The following ITPK1 variants were observed in gnomAD, a reference collection of about 807,000 sequenced individuals.
ITPK1 encodes the protein inositol 1,3,4-trisphosphate 5/6-kinase.
In ITPK1, 21 loss-of-function variants were observed where a neutral mutation model predicts 45.3. The observed-to-expected ratio is 0.46, with a 90% CI of 0.33 to 0.67. The LOEUF is 0.67. Ranked by LOEUF, ITPK1 falls within the 30% of genes least tolerant of loss-of-function variation. The probability of loss-of-function intolerance (pLI) is 0.02; values close to 1 mark genes in which losing one functional copy is unlikely to be tolerated. For synonymous variants in ITPK1, 258 were observed against 253.6 expected, an observed-to-expected ratio of 1.02 and a Z score of -0.16; for missense variants, 474 against 573.5, an observed-to-expected ratio of 0.83 and a Z score of 1.77.
Position 93,016,817 on chromosome 14 carries a change from C to T in ITPK1, c.121-16G>A. The T allele has an allele frequency of 6.2e-7, 1 of 1,613,172 alleles. No homozygotes were observed. Among genetic ancestry groups the T allele is most frequent in the Non-Finnish European group, 8.5e-7 (1 of 1,179,402 alleles). Reference sequence around the variant, plus strand: ...TAAGGTTCAGCTGTGAGGCAGGGAACACAGACAAAAGCAACAACTTCAGCA... The same window carrying T: ...TAAGGTTCAGCTGTGAGGCAGGGAATACAGACAAAAGCAACAACTTCAGCA... On this transcript the variant is annotated splice_polypyrimidine_tract_variant and intron_variant, in intron 3 of 10. Coordinates refer to ENST00000267615, the MANE Select transcript of ITPK1 (RefSeq NM_014216.6). The surrounding 1 kb of genome is among the most constrained non-coding windows in gnomAD (Gnocchi z 5.0).
intron 2 of ITPK1, among the ~76,000 whole-genome samples, chr14:93,083,250 C>G (rs1007889807): frequency 1.3e-5 from 2 of 152,144 alleles, no homozygotes; most frequent in African/African-American, 4.8e-5. Context: ...CATCCAGCAG[C>G]AGGCCTGCCA....
At chr14:92,984,526 C>T (rs1240462432) in intron 5 of ITPK1, among the ~76,000 whole-genome samples, 1 of 152,166 alleles carries the variant, frequency 6.6e-6, no homozygotes, top group African/African-American at 2.4e-5. Context: ...ATCAGTGCAT[C>T]TTACAATCGG....
At chr14:93,080,538 C>T (rs1241530828) in intron 2 of ITPK1, among the ~76,000 whole-genome samples, 3 of 152,158 alleles carry the variant, frequency 2.0e-5, no homozygotes, top group African/African-American at 7.2e-5. Context: ...GTGGGGACCA[C>T]CAGGCTGCAG....
intron 2 of ITPK1, among the ~76,000 whole-genome samples, chr14:93,095,453 C>T (rs1469970872): frequency 7.2e-6 from 1 of 139,728 alleles, no homozygotes; most frequent in Non-Finnish European, 1.5e-5. Flanking sequence ...CCAAAGCCAG[C>T]TTCTGGGCCC....
intron 3 of ITPK1, among the ~76,000 whole-genome samples, chr14:93,033,627 C>T (rs1889170634): frequency 6.6e-6 from 1 of 152,134 alleles, no homozygotes. Flanking sequence ...AACAGCACTT[C>T]ATGGAGGAAG....
At chr14:92,960,589 A>G (rs1885017309) in intron 7 of ITPK1, among the ~76,000 whole-genome samples, 1 of 152,216 alleles carries the variant, frequency 6.6e-6, no homozygotes, top group Non-Finnish European at 1.5e-5. Flanking sequence ...TCAGGCCTTG[A>G]GTGACTCGCA....
chr14:93,048,259 G>A (rs141098143), intron 3 of ITPK1, among the ~76,000 whole-genome samples: 1,553 of 152,288 alleles, frequency 0.01, 17 homozygotes, highest in Non-Finnish European at 0.014. Flanking sequence ...TTTGGCAAGC[G>A]CCTTCGGCCT....
intron 3 of ITPK1, among the ~76,000 whole-genome samples, chr14:93,065,158 C>CCTCA (rs1890694788): frequency 6.6e-6 from 1 of 152,204 alleles, no homozygotes; most frequent in African/African-American, 2.4e-5. Context: ...CAAGCTGGGA[C>CCTCA]CTCACTCACT....
At chr14:93,061,501 G>A (rs1371432080) in intron 3 of ITPK1, among the ~76,000 whole-genome samples, 3 of 152,184 alleles carry the variant, frequency 2.0e-5, no homozygotes, top group Non-Finnish European at 4.4e-5. Context: ...TCTGGGGCAG[G>A]AGTGAGAAAG....
rs1353354741 is a variant in ITPK1, at chr14:92,940,952, A to G, written c.*609T>C. On this transcript the variant is annotated 3_prime_UTR_variant, in exon 11 of 11. Transcript: ENST00000267615. Reference sequence around the variant, plus strand: ...TCCCTTTAGTGAGGGAGCACAGCCCAGACCCCAGCGCGGAACTCCCCTGAG... The same window carrying G: ...TCCCTTTAGTGAGGGAGCACAGCCCGGACCCCAGCGCGGAACTCCCCTGAG... 1 of 1,287,176 alleles carries G rather than the reference A, an allele frequency of 7.8e-7. No homozygotes were observed. The highest frequency in any genetic ancestry group is 1.2e-5 in the South Asian group (1 of 80,904). The allele number at this position is 1,287,176 out of a possible 1,614,324, so 79.7% of individuals were successfully genotyped here. A position where few individuals can be genotyped will look rare whatever the true frequency, so the allele number is the denominator to read the frequency against.
chr14:92,947,881 T>C (rs1226076820), intron 9 of ITPK1, among the ~76,000 whole-genome samples: 1 of 152,220 alleles, frequency 6.6e-6, no homozygotes, highest in African/African-American at 2.4e-5. Flanking sequence ...ACCCCAGAGC[T>C]GAGAACGTGT....
intron 10 of ITPK1, among the ~76,000 whole-genome samples, chr14:92,943,245 G>C (rs951598496): frequency 3.3e-5 from 5 of 152,250 alleles, no homozygotes; most frequent in African/African-American, 1.2e-4. Context: ...GGAGGGCAGT[G>C]ATGACGTCCA....
chr14:92,956,974 G>A (rs1017414501), intron 8 of ITPK1, among the ~76,000 whole-genome samples: 13 of 152,182 alleles, frequency 8.5e-5, no homozygotes, highest in African/African-American at 2.9e-4. Context: ...CAGCTAGGAA[G>A]GCCACCTGCC....
chr14:93,075,184 G>C (rs1891167204), intron 3 of ITPK1, among the ~76,000 whole-genome samples: 2 of 151,690 alleles, frequency 1.3e-5, no homozygotes, highest in Non-Finnish European at 2.9e-5. Flanking sequence ...AAAACCAGCT[G>C]GGTGTGGTGG....
intron 3 of ITPK1, among the ~76,000 whole-genome samples, chr14:93,053,224 G>A (rs1227240370): frequency 6.6e-6 from 1 of 152,202 alleles, no homozygotes; most frequent in Non-Finnish European, 1.5e-5. Flanking sequence ...CTGGATACCT[G>A]TTACAGATGT....
intron 7 of ITPK1, 97 bp downstream of exon 7, chr14:92,962,258 G>C: frequency 1.1e-6 from 1 of 889,640 alleles, no homozygotes; most frequent in Admixed American, 1.7e-5. Flanking sequence ...AGCAGGGCAG[G>C]AGCAGTGGCA....
intron 2 of ITPK1, among the ~76,000 whole-genome samples, chr14:93,102,819 G>C (rs573064522): frequency 1.3e-5 from 2 of 152,260 alleles, no homozygotes; most frequent in East Asian, 1.9e-4. Flanking sequence ...ACAGAAACAA[G>C]TCTGGGAGTG....
intron 2 of ITPK1, among the ~76,000 whole-genome samples, chr14:93,097,154 G>A (rs758821582): frequency 1.3e-5 from 2 of 152,222 alleles, no homozygotes; most frequent in African/African-American, 4.8e-5. Flanking sequence ...CCAACGCGCA[G>A]ACCCGGATCA....
chr14:93,108,380 C>T lies in ITPK1; in HGVS notation c.95+6689G>A, dbSNP rs192328325. Among the ~76,000 whole-genome samples, 75 of 152,366 alleles carry T rather than the reference C, an allele frequency of 4.9e-4. 1 individual carries two copies. The highest frequency in any genetic ancestry group is 2.3e-3 in the South Asian group (11 of 4,830). On this transcript the variant is annotated intron_variant, in intron 2 of 10. Transcript: ENST00000267615. ...TACATCCAGCTGTTCAGGAACTGTGCTCATGGGGCACTTGACTTTAAGTAT... is the reference window on the plus strand; with the variant it reads ...TACATCCAGCTGTTCAGGAACTGTGTTCATGGGGCACTTGACTTTAAGTAT...
Sources: gnomAD v4.1 joint callset for allele counts (sites outside exome capture counted in the v4.1 genomes callset) on GRCh38, gnomAD v4.1.1 for gene constraint, Gnocchi (gnomAD v3.1) non-coding constraint, MANE v1.5 for transcripts, NCBI Gene and HGNC (gene_info 2026-07-23, HGNC 2026-07-21) for gene names.